Variants in CERS1 observed in about 807,000 individuals in gnomAD.
CERS1 encodes the protein ceramide synthase 1.
CERS1 carries 16 observed loss-of-function variants against 35.7 expected under a neutral mutation model. The observed-to-expected ratio is 0.45, with a 90% CI of 0.30 to 0.68. The LOEUF is 0.68. Among genes scored for constraint, CERS1 ranks in the 30% least tolerant of loss-of-function variants. The pLI, the probability that CERS1 is intolerant of heterozygous loss-of-function variation, is 0.08. For missense variants in CERS1, 454 were observed against 453.9 expected (o/e 1.00, Z 0.00); for synonymous variants, 243 against 201.6 (o/e 1.21, Z -1.74).
Position 18,868,639 on chromosome 19 carries a change from C to T in CERS1, c.*1346G>A, listed in dbSNP as rs757137495. 16 of 1,574,720 alleles carry T rather than the reference C, an allele frequency of 1.0e-5. No homozygotes were observed. Among genetic ancestry groups the T allele is most frequent in the Admixed American group, 3.7e-5 (2 of 54,650 alleles). On this transcript the variant is annotated 3_prime_UTR_variant, in exon 8 of 8. Coordinates refer to ENST00000623882, the MANE Select transcript of CERS1 (RefSeq NM_021267.5). ...CGTCCACCACCATGTCCTCATACTG[C>T]CGCAGCACCACGTTGTCGCTGTTGT... is the stretch of plus-strand genomic sequence containing the variant.
Position 18,869,144 on chromosome 19 carries a change from C to T in CERS1, c.*841G>A. ...CAGCAGCTCCGCGCGCACTGGCGGC[C>T]CCAGGGCGGGCACCAACTGGCGGAG... On this transcript the variant is annotated 3_prime_UTR_variant, in exon 8 of 8. Coordinates refer to ENST00000623882, the MANE Select transcript of CERS1 (RefSeq NM_021267.5). The T allele has an allele frequency of 9.0e-7, 1 of 1,116,162 alleles. No homozygotes were observed. The highest frequency in any genetic ancestry group is 1.1e-6 in the Non-Finnish European group (1 of 913,308). 69.1% of individuals were successfully genotyped at this position (1,116,162 alleles called of 1,614,324 possible).
rs756972470 is a variant in CERS1 at position 18,868,856 on chromosome 19, G to A, written c.*1129C>T. The A allele has an allele frequency of 1.4e-6, 2 of 1,445,902 alleles. No individual in the cohort carries two copies. The highest frequency in any genetic ancestry group is 1.8e-6 in the Non-Finnish European group (2 of 1,091,734). The allele number at this position is 1,445,902 out of a possible 1,614,324, so 89.6% of individuals were successfully genotyped here. ...GTAGTTGGCCAGGAAGCCGCGCGGC[G>A]CGATGACCCAGCGGTGCCAGCCCAC... On this transcript the variant is annotated 3_prime_UTR_variant, in exon 8 of 8. Coordinates refer to ENST00000623882, the MANE Select transcript of CERS1 (RefSeq NM_021267.5).
Position 18,870,108 on chromosome 19 carries a change from CGAA to C in CERS1, c.*466_*468del, listed in dbSNP as rs2055939093. On this transcript the variant is annotated 3_prime_UTR_variant, in exon 7 of 8. Coordinates refer to ENST00000623882, the MANE Select transcript of CERS1 (RefSeq NM_021267.5). This position sits in a 1 kb window ranked among gnomAD's most constrained non-coding sequence, Gnocchi z 5.1. ...CCTGGTCTCCTGGGGGTCCCGGCGT[CGAA>C]ACAGGCGCCACATGACCGGGGGAAC... 2 of 1,568,312 alleles carry C rather than the reference CGAA, an allele frequency of 1.3e-6. No individual in the cohort carries two copies. The highest frequency in any genetic ancestry group is 2.7e-5 in the African/African-American group (2 of 74,554).
Position 18,870,755 on chromosome 19 carries a change from TCCTCCTCGCCTTCACCCTGCC to T in CERS1, c.1011-157_1011-137del, listed in dbSNP as rs1460091047. 4.5e-6 allele frequency: 2 copies of T among 442,270 alleles called. No homozygotes were observed. 27.4% of individuals were successfully genotyped at this position (442,270 alleles called of 1,614,324 possible). A position where few individuals can be genotyped will look rare whatever the true frequency, so the allele number is the denominator to read the frequency against. On this transcript the variant is annotated intron_variant, in intron 6 of 7. Transcript: ENST00000623882. This position sits in a 1 kb window ranked among gnomAD's most constrained non-coding sequence, Gnocchi z 5.1. ...CAGGCCCGGGCCTCGCCTTGTGGCT[TCCTCCTCGCCTTCACCCTGCC>T]CCTCCTTGCCTTCACCCTGCCCCTC...
At chr19:18,879,220 G>T (rs1216714457) in intron 5 of CERS1, 21 bp downstream of exon 5, 2 of 1,613,266 alleles carry the variant, frequency 1.2e-6, no homozygotes, top group Non-Finnish European at 8.5e-7. Context: ...CCACTGTGGA[G>T]GAGAGCCGGG....
Position 18,869,177 on chromosome 19 carries a change from G to A in CERS1, c.*808C>T. 8.6e-7 allele frequency: 1 copy of A among 1,158,934 alleles called. No individual in the cohort carries two copies. The highest frequency in any genetic ancestry group is 1.1e-6 in the Non-Finnish European group (1 of 942,416). The allele number at this position is 1,158,934 out of a possible 1,614,324, so 71.8% of individuals were successfully genotyped here. ...GGGCACCAACTGGCGGAGCAGCACC[G>A]GCCCGGGGTCCGCGCCCGCGCCCTG... is the stretch of plus-strand genomic sequence containing the variant. On this transcript the variant is annotated 3_prime_UTR_variant, in exon 8 of 8. Transcript: ENST00000623882.
chr19:18,879,193 G>A, intron 5 of CERS1, 48 bp downstream of exon 5: 2 of 1,610,096 alleles, frequency 1.2e-6, no homozygotes, highest in Non-Finnish European at 1.7e-6. Flanking sequence ...ACAGGGATTG[G>A]GACGAGGACG....
At chr19:18,876,554 G>GTA (rs1201520478) in intron 6 of CERS1, among the ~76,000 whole-genome samples, 4 of 151,234 alleles carry the variant, frequency 2.6e-5, no homozygotes, top group African/African-American at 7.3e-5. Context: ...GTGTGTGTGT[G>GTA]TGTGTGTGTG....
chr19:18,896,073 AC>A lies in CERS1; in HGVS notation c.-2del. ...CCGCCGCGGGCCCCGCCGCCGCCATACCGCCCGCTCGCCCGCCGTGCCCGTC... is the reference window on the plus strand; with the variant it reads ...CCGCCGCGGGCCCCGCCGCCGCCATACGCCCGCTCGCCCGCCGTGCCCGTC... On this transcript the variant is annotated 5_prime_UTR_variant, in exon 1 of 8. Transcript: ENST00000623882. This position sits in a 1 kb window ranked among gnomAD's most constrained non-coding sequence, Gnocchi z 5.9. The A allele has an allele frequency of 1.0e-6, 1 of 968,026 alleles. No individual in the cohort carries two copies. Among genetic ancestry groups the A allele is most frequent in the Non-Finnish European group, 1.2e-6 (1 of 816,914 alleles). The allele number at this position is 968,026 out of a possible 1,614,324, so 60.0% of individuals were successfully genotyped here.
At chr19:18,884,313 G>C (rs1421143598) in intron 2 of CERS1, 46 bp from the exon 3 acceptor site, 1 of 1,549,270 alleles carries the variant, frequency 6.5e-7, no homozygotes, top group Non-Finnish European at 8.7e-7. Flanking sequence ...GAAGCCTCTA[G>C]ACGATCGCCT....
In CERS1 at chr19:18,877,689, C is replaced by T. The variant is rs4808163; in HGVS notation, c.1010+1241G>A. Among the ~76,000 whole-genome samples the T allele has an allele frequency of 2.7e-5, 4 of 150,030 alleles. No individual in the cohort carries two copies. In the East Asian group the frequency reaches 8.0e-4, roughly 30 times the overall value. ...ATCACTTCCTGGGCCTGGGAGGCGGCGGTTGCAGCGAGCCGAGATCGTGCC... is the reference window on the plus strand; with the variant it reads ...ATCACTTCCTGGGCCTGGGAGGCGGTGGTTGCAGCGAGCCGAGATCGTGCC... On this transcript the variant is annotated intron_variant, in intron 6 of 7. Transcript: ENST00000623882.
chr19:18,889,070 T>G (rs1415187887), intron 2 of CERS1, among the ~76,000 whole-genome samples: 1 of 151,666 alleles, frequency 6.6e-6, no homozygotes. Flanking sequence ...TTTTGTATTT[T>G]TAGTAGAGAC....
In CERS1 at chr19:18,880,427, T is replaced by C. The variant is rs747188121; in HGVS notation, c.599A>G (p.Asn200Ser). 79 of 1,584,466 alleles carry C rather than the reference T, an allele frequency of 5.0e-5. No homozygotes were observed. Among genetic ancestry groups the C allele is most frequent in the Non-Finnish European group, 6.5e-5 (76 of 1,163,612 alleles). The change falls in exon 4 of 8, where the codon AAT becomes AGT. Residue 200 changes from asparagine to serine, a missense_variant. Physicochemically the swap from Asn to Ser is conservative, Grantham distance 46. Coordinates refer to ENST00000623882, the MANE Select transcript of CERS1 (RefSeq NM_021267.5). ...CAGGAAGAGCACAAGGATGCCCACATTGTGGTACCTGGGGGAGCAGCAGGC... is the reference window on the plus strand; with the variant it reads ...CAGGAAGAGCACAAGGATGCCCACACTGTGGTACCTGGGGGAGCAGCAGGC... Reference protein sequence around the residue: ...IVSSYAFRYHNVGILVLFLHD... With the variant: ...IVSSYAFRYHSVGILVLFLHD...
chr19:18,895,453 T>A lies in CERS1; in HGVS notation c.249+371A>T, dbSNP rs2056602544. Among the ~76,000 whole-genome samples the A allele has an allele frequency of 6.7e-6, 1 of 149,608 alleles. No individual in the cohort carries two copies. The highest frequency in any genetic ancestry group is 1.5e-5 in the Non-Finnish European group (1 of 67,342). ...AAAGAGCGCGCGGTGGCCGGAGCCA[T>A]CCACCGCGCGGGGCCCCCTGGTCCC... On this transcript the variant is annotated intron_variant, in intron 1 of 7. Transcript: ENST00000623882. This position sits in a 1 kb window ranked among gnomAD's most constrained non-coding sequence, Gnocchi z 6.4.
chr19:18,882,113 T>A (rs2056226083), intron 3 of CERS1: 1 of 154,374 alleles, frequency 6.5e-6, no homozygotes, highest in Admixed American at 6.5e-5. Context: ...CCTGGCCTTT[T>A]CTCCATAATT....
In CERS1 at chr19:18,888,889, C is replaced by CTG. The variant is rs1555706335; in HGVS notation, c.409+4526_409+4527insCA. The stretch of plus-strand genomic sequence containing the variant: ...CCCCTATTCCAGAATTTCTTTCTTT[C>CTG]TTTTTTTTTTTTTTTTTTTTGAGAC... On this transcript the variant is annotated intron_variant, in intron 2 of 7. Coordinates refer to ENST00000623882, the MANE Select transcript of CERS1 (RefSeq NM_021267.5). Among the ~76,000 whole-genome samples, 67 of 122,918 alleles carry CTG rather than the reference C, an allele frequency of 5.5e-4. No individual in the cohort carries two copies. The East Asian group carries it at 9.1e-3, about 17-fold the overall frequency. The allele number at this position is 122,918 out of a possible 152,430, so 80.6% of individuals were successfully genotyped here.
At position 18,895,209 on chromosome 19, in the gene CERS1, T is replaced by C. The variant is rs912502696; in HGVS notation, c.249+615A>G. On this transcript the variant is annotated intron_variant, in intron 1 of 7. Coordinates refer to ENST00000623882, the MANE Select transcript of CERS1 (RefSeq NM_021267.5). This position sits in a 1 kb window ranked among gnomAD's most constrained non-coding sequence, Gnocchi z 6.4. The stretch of plus-strand genomic sequence containing the variant: ...GTCGGAGGGTGGCGCTGACCCCAGA[T>C]AGGCACAAGGCAGCGACCGGGCAGC... Among the ~76,000 whole-genome samples the C allele has an allele frequency of 3.3e-5, 5 of 152,174 alleles. No homozygotes were observed. The highest frequency in any genetic ancestry group is 2.0e-4 in the Admixed American group (3 of 15,284).
Position 18,879,384 on chromosome 19 carries a change from A to G in CERS1, c.757T>C (p.Trp253Arg). The change falls in exon 5 of 8, where the codon TGG becomes CGG. Residue 253 changes from tryptophan to arginine, a missense_variant. Physicochemically the swap from Trp to Arg is moderately radical, Grantham distance 101 (BLOSUM62 -3). Coordinates refer to ENST00000623882, the MANE Select transcript of CERS1 (RefSeq NM_021267.5). The part of the protein sequence containing the change: ...GCLSFGFSWF[W>R]FRLYWFPLKV... Reference sequence around the variant, plus strand: ...AGCGGGAACCAGTAGAGGCGGAACCAGAACCTGCGGTGGGAGGAGTCAGGA... The same window carrying G: ...AGCGGGAACCAGTAGAGGCGGAACCGGAACCTGCGGTGGGAGGAGTCAGGA... The G allele has an allele frequency of 6.4e-7, 1 of 1,562,780 alleles. No homozygotes were observed. The highest frequency in any genetic ancestry group is 8.7e-7 in the Non-Finnish European group (1 of 1,153,830).
chr19:18,870,170 G>C lies in CERS1; in HGVS notation c.*407C>G. 2 of 1,561,908 alleles carry C rather than the reference G, an allele frequency of 1.3e-6. No homozygotes were observed. Among genetic ancestry groups the C allele is most frequent in the South Asian group, 2.3e-5 (2 of 85,520 alleles). The stretch of plus-strand genomic sequence containing the variant: ...GCCTGGGGGCACCCTGGGGCTCATC[G>C]CGCAGTCCTAGAGCCTGGAGCAGGG... On this transcript the variant is annotated 3_prime_UTR_variant, in exon 7 of 8. Transcript: ENST00000623882. This position sits in a 1 kb window ranked among gnomAD's most constrained non-coding sequence, Gnocchi z 5.1.
Sources: gnomAD v4.1 joint callset for allele counts (sites outside exome capture counted in the v4.1 genomes callset) on GRCh38, gnomAD v4.1.1 for gene constraint, Gnocchi (gnomAD v3.1) non-coding constraint, MANE v1.5 for transcripts, NCBI Gene and HGNC (gene_info 2026-07-23, HGNC 2026-07-21) for gene names.